The following CCSER1 variants were observed in gnomAD, a reference collection of about 807,000 sequenced individuals.
The protein encoded by CCSER1 is serine-rich coiled-coil domain-containing protein 1.
Under a neutral mutation model 82.0 loss-of-function variants are expected in CCSER1, and 41 were observed. That is an observed-to-expected ratio of 0.50 (90% CI 0.39 to 0.65). The LOEUF (loss-of-function observed/expected upper bound fraction) is 0.65, where lower values mean the gene tolerates loss of function less well. Among genes scored for constraint, CCSER1 ranks in the 30% least tolerant of loss-of-function variants. CCSER1 has a pLI of 0.00. For synonymous variants in CCSER1, 414 were observed against 383.9 expected (o/e 1.08, Z -0.92); for missense variants, 1,119 against 1,064.2 (o/e 1.05, Z -0.72).
chr4:91,411,595 T>G (rs1402515700), intron 10 of CCSER1, among the ~76,000 whole-genome samples: 1 of 147,512 alleles, frequency 6.8e-6, no homozygotes, highest in Non-Finnish European at 1.5e-5. Context: ...GTGTGCTTAG[T>G]TGTATAATTT....
At chr4:90,159,956 C>A (rs1729120216) in intron 1 of CCSER1, among the ~76,000 whole-genome samples, 1 of 152,176 alleles carries the variant, frequency 6.6e-6, no homozygotes, top group South Asian at 2.1e-4. Context: ...TACAACATGA[C>A]TTTTCACTGT....
intron 8 of CCSER1, 47 bp downstream of exon 8, chr4:90,815,892 G>T (rs1257996404): frequency 1.5e-6 from 2 of 1,360,820 alleles, no homozygotes; most frequent in Non-Finnish European, 2.0e-6. Context: ...TACTTTCAAG[G>T]TTATTTGTTC....
chr4:91,339,162 A>C (rs906034810), intron 10 of CCSER1, among the ~76,000 whole-genome samples: 69 of 152,306 alleles, frequency 4.5e-4, no homozygotes, highest in African/African-American at 1.3e-3. Flanking sequence ...ACATCAAGTA[A>C]GTATATCTTT....
chr4:91,444,506 A>G (rs537713979), intron 10 of CCSER1, among the ~76,000 whole-genome samples: 10 of 151,956 alleles, frequency 6.6e-5, no homozygotes, highest in Admixed American at 4.6e-4. Context: ...CTGGAGTGCA[A>G]TGGCACCATC....
intron 10 of CCSER1, among the ~76,000 whole-genome samples, chr4:91,113,238 C>T (rs1460458852): frequency 6.6e-6 from 1 of 152,140 alleles, no homozygotes; most frequent in African/African-American, 2.4e-5. Context: ...GTTGATACAA[C>T]AAACGCATGA....
At chr4:90,816,169 C>A (rs759098753) in intron 8 of CCSER1, among the ~76,000 whole-genome samples, 4 of 152,134 alleles carry the variant, frequency 2.6e-5, no homozygotes, top group Admixed American at 1.3e-4. Flanking sequence ...TGATTTAACT[C>A]CATAAAGCTA....
At chr4:90,612,323 A>C (rs1051147899) in intron 5 of CCSER1, among the ~76,000 whole-genome samples, 4 of 152,188 alleles carry the variant, frequency 2.6e-5, no homozygotes, top group Admixed American at 2.0e-4. Flanking sequence ...TTGATAATTC[A>C]GTAGGACAGG....
chr4:91,098,766 C>G (rs1046576622), intron 10 of CCSER1, among the ~76,000 whole-genome samples: 1 of 152,140 alleles, frequency 6.6e-6, no homozygotes, highest in African/African-American at 2.4e-5. Flanking sequence ...TGGTCTGGAT[C>G]TCCTGATGTC....
intron 4 of CCSER1, 43 bp downstream of exon 4, chr4:90,400,172 TG>T: frequency 2.8e-6 from 3 of 1,078,632 alleles, no homozygotes; most frequent in South Asian, 1.5e-5. Flanking sequence ...ACTCCTACCC[TG>T]GTCAGTAGCT....
chr4:91,459,545 G>A (rs1038513349), intron 10 of CCSER1, among the ~76,000 whole-genome samples: 10 of 152,218 alleles, frequency 6.6e-5, no homozygotes, highest in Middle Eastern at 3.4e-3. Context: ...CCAAGGTAGG[G>A]AGATGAAATA....
intron 8 of CCSER1, among the ~76,000 whole-genome samples, chr4:90,882,810 T>G (rs1365527587): frequency 1.3e-5 from 2 of 152,018 alleles, no homozygotes; most frequent in Non-Finnish European, 2.9e-5. Context: ...CACTTAGGAA[T>G]AGGTTACATA....
chr4:90,907,004 T>C (rs891658526), intron 8 of CCSER1, among the ~76,000 whole-genome samples: 1 of 152,156 alleles, frequency 6.6e-6, no homozygotes, highest in African/African-American at 2.4e-5. Context: ...TTCAGACAAA[T>C]TGAACTATAA....
At chr4:90,656,088 G>T (rs1456221835) in intron 6 of CCSER1, among the ~76,000 whole-genome samples, 2 of 151,798 alleles carry the variant, frequency 1.3e-5, no homozygotes, top group East Asian at 1.9e-4. Flanking sequence ...GAAAGAAAAA[G>T]ATATTCATTT....
At chr4:90,890,304 C>G (rs768759900) in intron 8 of CCSER1, among the ~76,000 whole-genome samples, 2 of 152,152 alleles carry the variant, frequency 1.3e-5, no homozygotes, top group East Asian at 3.9e-4. Flanking sequence ...GACTCCTCAT[C>G]TCACACTTTA....
chr4:91,065,406 T>C (rs1720702753), intron 9 of CCSER1, among the ~76,000 whole-genome samples: 1 of 152,182 alleles, frequency 6.6e-6, no homozygotes, highest in African/African-American at 2.4e-5. Flanking sequence ...GTAAAAGTTA[T>C]ATTCATATCA....
chr4:91,033,513 TGG>T (rs1276412863), intron 9 of CCSER1, among the ~76,000 whole-genome samples: 1 of 152,154 alleles, frequency 6.6e-6, no homozygotes, highest in Non-Finnish European at 1.5e-5. Flanking sequence ...GGTCAGTGTC[TGG>T]GGGCACAGAT....
At chr4:90,411,399 A>G (rs913094513) in intron 4 of CCSER1, among the ~76,000 whole-genome samples, 1 of 152,246 alleles carries the variant, frequency 6.6e-6, no homozygotes, top group Non-Finnish European at 1.5e-5. Context: ...AACTGAATCC[A>G]GCAACACATC....
intron 3 of CCSER1, among the ~76,000 whole-genome samples, chr4:90,380,651 A>G (rs1437403742): frequency 6.6e-6 from 1 of 152,142 alleles, no homozygotes; most frequent in Non-Finnish European, 1.5e-5. Context: ...AAAATATTTC[A>G]ACTATTTTCA....
intron 10 of CCSER1, among the ~76,000 whole-genome samples, chr4:91,135,062 G>GA (rs113864414): frequency 3.3e-3 from 418 of 127,318 alleles, no homozygotes; most frequent in Middle Eastern, 4.3e-3. Context: ...CTGTCTCAAA[G>GA]AAAAAAAAAA....
Sources: gnomAD v4.1 joint callset for allele counts (sites outside exome capture counted in the v4.1 genomes callset) on GRCh38, gnomAD v4.1.1 for gene constraint, MANE v1.5 for transcripts, NCBI Gene and HGNC (gene_info 2026-07-23, HGNC 2026-07-21) for gene names.